The following CACNA2D1 variants were observed in gnomAD, a reference collection of about 807,000 sequenced individuals.
CACNA2D1 encodes calcium voltage-gated channel auxiliary subunit alpha2delta 1.
CACNA2D1 carries 53 observed loss-of-function variants against 171.5 expected under a neutral mutation model. The observed-to-expected ratio is 0.31, with a 90% CI of 0.25 to 0.39. The LOEUF (loss-of-function observed/expected upper bound fraction) is 0.39. Among genes scored for constraint, CACNA2D1 ranks in the 10% least tolerant of loss-of-function variants. CACNA2D1 has a pLI of 1.00. For missense variants in CACNA2D1, 903 were observed against 1,299.8 expected, an observed-to-expected ratio of 0.69 and a Z score of 4.69; for synonymous variants, 442 against 443.1, an observed-to-expected ratio of 1.00 and a Z score of 0.03.
chr7:82,197,932 G>C (rs1462861815), intron 3 of CACNA2D1, among the ~76,000 whole-genome samples: 1 of 151,628 alleles, frequency 6.6e-6, no homozygotes, highest in African/African-American at 2.4e-5. Flanking sequence ...ATGTCTACCT[G>C]GAATAAAGGC....
chr7:82,086,897 G>C (rs77168145), intron 6 of CACNA2D1, among the ~76,000 whole-genome samples: 11 of 152,034 alleles, frequency 7.2e-5, no homozygotes, highest in African/African-American at 2.7e-4. Flanking sequence ...TATAAACTGA[G>C]GGAAAAAGTC....
intron 7 of CACNA2D1, among the ~76,000 whole-genome samples, chr7:82,074,319 C>T (rs1808694888): frequency 6.6e-6 from 1 of 152,072 alleles, no homozygotes; most frequent in Admixed American, 6.5e-5. Context: ...CTTTTCTTCC[C>T]AGGTTGAAAG....
At chr7:82,319,673 CATT>C (rs1815571617) in intron 3 of CACNA2D1, among the ~76,000 whole-genome samples, 1 of 152,086 alleles carries the variant, frequency 6.6e-6, no homozygotes, top group Admixed American at 6.6e-5. Context: ...GAAAATGAGT[CATT>C]ATTATTTATT....
chr7:82,432,037 T>TAAAAA (rs34180150), intron 1 of CACNA2D1, among the ~76,000 whole-genome samples: 2,194 of 82,094 alleles, frequency 0.027, 172 homozygotes, highest in African/African-American at 0.11. Flanking sequence ...GACTCTGTCT[T>TAAAAA]AAAAAAAAAA....
At chr7:81,980,172 CAAAAA>C (rs35616922) in intron 24 of CACNA2D1, among the ~76,000 whole-genome samples, 14 of 25,250 alleles carry the variant, frequency 5.5e-4, no homozygotes, top group African/African-American at 6.2e-4. Context: ...TAAAACCAAG[CAAAAA>C]AAAAAAAAAA....
chr7:82,142,027 C>G (rs1392887517), intron 4 of CACNA2D1, among the ~76,000 whole-genome samples: 4 of 152,118 alleles, frequency 2.6e-5, no homozygotes, highest in African/African-American at 7.2e-5. Flanking sequence ...ACAACATCAT[C>G]TTGGAAGGTT....
At chr7:81,967,507 A>G in intron 30 of CACNA2D1, 89 bp downstream of exon 30, 1 of 725,784 alleles carries the variant, frequency 1.4e-6, no homozygotes, top group Non-Finnish European at 2.4e-6. Flanking sequence ...TTGAGAATGT[A>G]TTTGCCACTG....
chr7:82,357,960 G>C (rs1010890989), intron 1 of CACNA2D1, among the ~76,000 whole-genome samples: 2 of 151,886 alleles, frequency 1.3e-5, no homozygotes, highest in Admixed American at 1.3e-4. Context: ...TCCTAAGGCA[G>C]TTCTCTGCTT....
intron 2 of CACNA2D1, chr7:82,343,224 T>C (rs1487651652): frequency 6.6e-6 from 1 of 152,206 alleles, no homozygotes; most frequent in South Asian, 2.1e-4. Context: ...GCTAGGACTA[T>C]AGCATTTCAA....
chr7:82,128,743 A>C (rs1790627808), intron 5 of CACNA2D1, among the ~76,000 whole-genome samples: 1 of 152,138 alleles, frequency 6.6e-6, no homozygotes. Context: ...TACTAATCTC[A>C]TGACCTTCTT....
At chr7:82,212,960 G>A (rs2129228809) in intron 3 of CACNA2D1, among the ~76,000 whole-genome samples, 1 of 151,816 alleles carries the variant, frequency 6.6e-6, no homozygotes, top group East Asian at 2.0e-4. Flanking sequence ...GAGTGCAATG[G>A]TGCGATCTCA....
At chr7:82,261,307 T>C (rs1337600837) in intron 3 of CACNA2D1, among the ~76,000 whole-genome samples, 1 of 152,214 alleles carries the variant, frequency 6.6e-6, no homozygotes, top group Non-Finnish European at 1.5e-5. Context: ...GAAGACACTT[T>C]GGCAAACCCT....
intron 3 of CACNA2D1, among the ~76,000 whole-genome samples, chr7:82,272,003 C>G (rs991558849): frequency 3.3e-5 from 5 of 151,684 alleles, no homozygotes; most frequent in Non-Finnish European, 7.4e-5. Flanking sequence ...GACTAGCAAT[C>G]TAAACATTAC....
intron 1 of CACNA2D1, among the ~76,000 whole-genome samples, chr7:82,407,092 T>C (rs894697787): frequency 2.0e-5 from 3 of 152,176 alleles, no homozygotes; most frequent in African/African-American, 7.2e-5. Flanking sequence ...AAGAATGTGA[T>C]TGATATAGAC....
intron 18 of CACNA2D1, among the ~76,000 whole-genome samples, chr7:82,000,433 C>G (rs1798469716): frequency 6.6e-6 from 1 of 152,024 alleles, no homozygotes; most frequent in Non-Finnish European, 1.5e-5. Context: ...GTTCAATTCT[C>G]CTGCTTTTCA....
At chr7:82,181,193 G>A (rs1342990247) in intron 3 of CACNA2D1, among the ~76,000 whole-genome samples, 1 of 151,504 alleles carries the variant, frequency 6.6e-6, no homozygotes, top group Non-Finnish European at 1.5e-5. Flanking sequence ...ACTTATGTGA[G>A]GCCTAGAAAT....
intron 1 of CACNA2D1, 75 bp downstream of exon 1, chr7:82,443,290 C>T: frequency 6.9e-7 from 1 of 1,454,926 alleles, no homozygotes; most frequent in South Asian, 1.2e-5. Flanking sequence ...AGCCCCGCGA[C>T]TCGGGAACCG....
At chr7:82,435,414 C>T (rs1041927357) in intron 1 of CACNA2D1, among the ~76,000 whole-genome samples, 3 of 152,050 alleles carry the variant, frequency 2.0e-5, no homozygotes, top group Admixed American at 6.6e-5. Flanking sequence ...CAACCTACTC[C>T]CACTCTCACA....
chr7:82,233,879 G>A (rs1026925995), intron 3 of CACNA2D1, among the ~76,000 whole-genome samples: 2 of 151,850 alleles, frequency 1.3e-5, no homozygotes, highest in African/African-American at 4.8e-5. Flanking sequence ...AAGGCAATTG[G>A]CCCAAATCCT....
Sources: gnomAD v4.1 joint callset for allele counts (sites outside exome capture counted in the v4.1 genomes callset) on GRCh38, gnomAD v4.1.1 for gene constraint, MANE v1.5 for transcripts, NCBI Gene and HGNC (gene_info 2026-07-23, HGNC 2026-07-21) for gene names.